Variants in CDH3 observed in about 807,000 individuals in gnomAD.
The protein encoded by CDH3 is cadherin-3.
In CDH3, 54 loss-of-function variants were observed where a neutral mutation model predicts 82.0. The ratio of observed to expected loss-of-function variants is 0.66; its 90% CI spans 0.53 to 0.83. The LOEUF (loss-of-function observed/expected upper bound fraction) is 0.83, where lower values mean the gene tolerates loss of function less well. Among genes scored for constraint, CDH3 ranks in the 40% least tolerant of loss-of-function variants. CDH3 has a pLI of 0.00. For missense variants in CDH3, 1,054 were observed against 1,084.6 expected (o/e 0.97, Z 0.40); for synonymous variants, 446 against 437.9 (o/e 1.02, Z -0.23).
intron 1 of CDH3, among the ~76,000 whole-genome samples, chr16:68,718,646 C>T (rs888286394): frequency 6.6e-6 from 1 of 151,968 alleles, no homozygotes; most frequent in Non-Finnish European, 1.5e-5. Flanking sequence ...TGCTCCACTG[C>T]ACTCCATCCT....
chr16:68,649,632 G>A (rs1290284454), intron 2 of CDH3, among the ~76,000 whole-genome samples: 1 of 152,214 alleles, frequency 6.6e-6, no homozygotes, highest in East Asian at 1.9e-4. Flanking sequence ...GGGCCCCTGG[G>A]TAAGGGGGGT....
intron 2 of CDH3, among the ~76,000 whole-genome samples, chr16:68,674,910 C>T (rs888408696): frequency 6.6e-6 from 1 of 152,010 alleles, no homozygotes; most frequent in African/African-American, 2.4e-5. Context: ...GTCAGGAGTT[C>T]GAGACCAGCC....
At chr16:68,654,380 ATTTTTTTTTT>A (rs1176713669) in intron 2 of CDH3, among the ~76,000 whole-genome samples, 127 of 48,532 alleles carry the variant, frequency 2.6e-3, no homozygotes, top group African/African-American at 0.012. Flanking sequence ...TTTTAAATTA[ATTTTTTTTTT>A]TTTTTTTTTT....
At chr16:68,692,329 G>T (rs186118067) in intron 13 of CDH3, among the ~76,000 whole-genome samples, 3 of 152,044 alleles carry the variant, frequency 2.0e-5, no homozygotes, top group East Asian at 3.9e-4. Flanking sequence ...GAGCCACTGC[G>T]CCCGGTCCAC....
intron 12 of CDH3, among the ~76,000 whole-genome samples, chr16:68,691,096 C>G (rs1961560221): frequency 6.7e-6 from 1 of 148,346 alleles, no homozygotes; most frequent in African/African-American, 2.5e-5. Context: ...ACCTCCACCT[C>G]CCAGGTTCAA....
downstream of CDH3, among the ~76,000 whole-genome samples, chr16:68,728,202 G>C (rs1268562908): frequency 6.6e-6 from 1 of 151,914 alleles, no homozygotes; most frequent in Non-Finnish European, 1.5e-5. Flanking sequence ...GTCTTGCTCT[G>C]TCACCCAGGC....
At chr16:68,732,379 G>C (rs1315367789), downstream of CDH3, among the ~76,000 whole-genome samples, 1 of 152,238 alleles carries the variant, frequency 6.6e-6, no homozygotes, top group Non-Finnish European at 1.5e-5. Context: ...GCCAGGAGAT[G>C]AAAGGGACAA....
intron 12 of CDH3, among the ~76,000 whole-genome samples, 183 bp from the exon 13 acceptor site, chr16:68,691,537 T>C (rs558475693): frequency 6.6e-6 from 1 of 152,306 alleles, no homozygotes; most frequent in South Asian, 2.1e-4. Context: ...ATAATCCTTT[T>C]CATTATGGTG....
intron 2 of CDH3, among the ~76,000 whole-genome samples, chr16:68,673,201 A>T (rs1960934126): frequency 6.6e-6 from 1 of 152,200 alleles, no homozygotes; most frequent in Non-Finnish European, 1.5e-5. Flanking sequence ...TAATATATCA[A>T]TATGTACTGC....
chr16:68,695,676 C>T, intron 14 of CDH3, 101 bp from the exon 15 acceptor site: 1 of 1,375,354 alleles, frequency 7.3e-7, no homozygotes, highest in Non-Finnish European at 1.0e-6. Flanking sequence ...TCCCCATGAG[C>T]CAGAGTATCC....
At chr16:68,646,742 T>C (rs958631405) in intron 2 of CDH3, among the ~76,000 whole-genome samples, 1 of 152,162 alleles carries the variant, frequency 6.6e-6, no homozygotes, top group Non-Finnish European at 1.5e-5. Flanking sequence ...CTGAAATTTT[T>C]GGGAACTTGA....
At chr16:68,697,509 A>G (rs1055216103) in intron 15 of CDH3, among the ~76,000 whole-genome samples, 1 of 152,144 alleles carries the variant, frequency 6.6e-6, no homozygotes, top group Non-Finnish European at 1.5e-5. Context: ...GGACAGTGCC[A>G]GCACAGTGGT....
At chr16:68,659,533 C>A (rs772035922) in intron 2 of CDH3, among the ~76,000 whole-genome samples, 49 of 150,906 alleles carry the variant, frequency 3.2e-4, no homozygotes, top group Admixed American at 3.0e-3. Flanking sequence ...CAAGATCATA[C>A]GACTGCACTG....
intron 1 of CDH3, among the ~76,000 whole-genome samples, chr16:68,721,629 C>T (rs73557369): frequency 0.026 from 3,911 of 152,274 alleles, 195 homozygotes; most frequent in African/African-American, 0.09. Context: ...GTCTAACCTC[C>T]TGCCTCTCCC....
rs1961449804 is a variant in CDH3, at chr16:68,687,576, C to T, written c.1635C>T (p.Gly545=). The T allele has an allele frequency of 6.2e-7, 1 of 1,613,956 alleles. No homozygotes were observed. Among genetic ancestry groups the T allele is most frequent in the African/African-American group, 1.3e-5 (1 of 74,926 alleles). Reference sequence around the variant, plus strand: ...CACTGATTGATGTCAATGACCATGGCCCAGTCCCTGAGCCCCGTCAGATCA... The same window carrying T: ...CACTGATTGATGTCAATGACCATGGTCCAGTCCCTGAGCCCCGTCAGATCA... ...LLTLIDVNDH[G]PVPEPRQITI... Residue 545 remains glycine, a synonymous_variant, in exon 12 of 16, where the codon GGC becomes GGT. Coordinates refer to ENST00000264012, the MANE Select transcript of CDH3 (RefSeq NM_001793.6).
downstream of CDH3, among the ~76,000 whole-genome samples, chr16:68,702,548 C>T (rs1372608820): frequency 6.6e-6 from 1 of 152,058 alleles, no homozygotes; most frequent in African/African-American, 2.4e-5. Context: ...GGCAAAGTCC[C>T]AGAATCCAAG....
downstream of CDH3, among the ~76,000 whole-genome samples, chr16:68,729,618 G>A (rs76728292): frequency 0.014 from 2,063 of 152,170 alleles, 46 homozygotes; most frequent in African/African-American, 0.047. Context: ...GCTCTTGCTT[G>A]GATCTTGATT....
At chr16:68,682,176 G>A (rs1242053264) in intron 8 of CDH3, 126 bp from the exon 9 acceptor site, 2 of 1,055,420 alleles carry the variant, frequency 1.9e-6, no homozygotes, top group Admixed American at 2.0e-5. Flanking sequence ...ACCCCGCAAA[G>A]TGGGTGGGTG....
At chr16:68,662,022 A>G (rs1282223346) in intron 2 of CDH3, among the ~76,000 whole-genome samples, 1 of 152,216 alleles carries the variant, frequency 6.6e-6, no homozygotes, top group Non-Finnish European at 1.5e-5. Flanking sequence ...CACAAGTTGT[A>G]ATAAATTCTA....
Sources: gnomAD v4.1 joint callset for allele counts (sites outside exome capture counted in the v4.1 genomes callset) on GRCh38, gnomAD v4.1.1 for gene constraint, MANE v1.5 for transcripts, NCBI Gene and HGNC (gene_info 2026-07-23, HGNC 2026-07-21) for gene names.